The following PDS5A variants were observed in gnomAD, a reference collection of about 807,000 sequenced individuals.
The protein encoded by PDS5A is sister chromatid cohesion protein PDS5 homolog A.
A neutral mutation model predicts 167.1 loss-of-function variants in PDS5A; 42 were observed. That is an observed-to-expected ratio of 0.25 (90% CI 0.20 to 0.33). PDS5A has a LOEUF of 0.33. PDS5A is among the 10% of genes least tolerant of loss of function. The pLI is 1.00. For synonymous variants in PDS5A, 553 were observed against 554.6 expected, an observed-to-expected ratio of 1.00 and a Z score of 0.04; for missense variants, 1,033 against 1,605.9, an observed-to-expected ratio of 0.64 and a Z score of 6.10.
chr4:39,908,404 C>G lies in PDS5A; in HGVS notation c.1224G>C (p.Leu408=), dbSNP rs1723583161. The G allele has an allele frequency of 6.2e-7, 1 of 1,612,698 alleles. No individual in the cohort carries two copies. The highest frequency in any genetic ancestry group is 8.5e-7 in the Non-Finnish European group (1 of 1,179,134). ...ATGCCTCAGATTTTACCCGTTTATCCAGTGTTCTTTCCCTTACAAAGCCAA... is the reference window on the plus strand; with the variant it reads ...ATGCCTCAGATTTTACCCGTTTATCGAGTGTTCTTTCCCTTACAAAGCCAA... ...QLLGFVRERT[L]DKRWRVRKEA... Residue 408 remains leucine, a synonymous_variant, in exon 11 of 33, where the codon CTG becomes CTC. Coordinates refer to ENST00000303538, the MANE Select transcript of PDS5A (RefSeq NM_001100399.2).
chr4:39,899,851 TAAAAAAAAAAAAA>T (rs532738160), intron 14 of PDS5A, among the ~76,000 whole-genome samples: 82 of 102,390 alleles, frequency 8.0e-4, no homozygotes, highest in Admixed American at 7.4e-4. Context: ...TCCTGTGTAT[TAAAAAAAAAAAAA>T]AAAAAAAAAA....
intron 30 of PDS5A, among the ~76,000 whole-genome samples, chr4:39,844,416 A>G (rs1405967701): frequency 6.6e-6 from 1 of 150,850 alleles, no homozygotes; most frequent in Non-Finnish European, 1.5e-5. Flanking sequence ...CAGAGGTTGC[A>G]GTGAACCAAG....
intron 2 of PDS5A, among the ~76,000 whole-genome samples, chr4:39,967,238 G>A (rs1481740518): frequency 2.0e-5 from 3 of 152,170 alleles, no homozygotes; most frequent in African/African-American, 7.2e-5. Context: ...CTGGGAGACA[G>A]AGGTTGCAGT....
rs1723105138 is a variant in PDS5A at position 39,904,117 on chromosome 4, T to C, written c.1308A>G (p.Gly436=). 6.2e-7 allele frequency: 1 copy of C among 1,612,174 alleles called. No individual in the cohort carries two copies. The highest frequency in any genetic ancestry group is 1.3e-5 in the African/African-American group (1 of 75,018). ...YKKYCLHGEA[G]KEAAEKVSWI... ...AGCTGACTTTCTCTGCAGCTTCCTT[T>C]CCTGCTTCACCATGAAGACAGTATT... The change falls in exon 12 of 33, where the codon GGA becomes GGG. Residue 436 remains glycine (G), a synonymous_variant. Coordinates refer to ENST00000303538, the MANE Select transcript of PDS5A (RefSeq NM_001100399.2).
intron 4 of PDS5A, among the ~76,000 whole-genome samples, chr4:39,926,316 G>GT (rs535453871): frequency 1.6e-4 from 25 of 152,196 alleles, no homozygotes; most frequent in African/African-American, 5.5e-4. Flanking sequence ...GAGGTCAGGA[G>GT]TTTGAGACCA....
chr4:39,919,255 G>C (rs938789262), intron 7 of PDS5A, among the ~76,000 whole-genome samples: 1 of 152,160 alleles, frequency 6.6e-6, no homozygotes, highest in Admixed American at 6.5e-5. Flanking sequence ...CTAGATCTAT[G>C]ACAATAAGGA....
chr4:39,845,619 C>T (rs12504256), intron 29 of PDS5A, among the ~76,000 whole-genome samples, 199 bp downstream of exon 29: 33,677 of 152,004 alleles, frequency 0.22, 4,699 homozygotes, highest in Middle Eastern at 0.33. Context: ...CTGATGAGAA[C>T]ACACAGTGGC....
rs544511305 is a variant in PDS5A, at chr4:39,825,326, T to A, written c.*159A>T. 1.6e-5 allele frequency: 8 copies of A among 510,512 alleles called. No homozygotes were observed. The East Asian group carries it at 2.6e-4, about 16-fold the overall frequency. 31.6% of individuals were successfully genotyped at this position (510,512 alleles called of 1,614,324 possible). On this transcript the variant is annotated 3_prime_UTR_variant, in exon 33 of 33. Transcript: ENST00000303538. ...TTCCATCAGAGGACTTGTGGTCATG[T>A]GAAAAGGAAGTAATAGTCTCTTTAG... is the stretch of plus-strand genomic sequence containing the variant.
intron 2 of PDS5A, among the ~76,000 whole-genome samples, chr4:39,948,026 G>A (rs189985988): frequency 1.3e-5 from 2 of 152,182 alleles, no homozygotes; most frequent in Admixed American, 1.3e-4. Flanking sequence ...CAAGGAGGGA[G>A]GATGCCTTGA....
Position 39,922,752 on chromosome 4 carries a change from T to TAAAA in PDS5A, c.528-8_528-5dup, listed in dbSNP as rs368289837. 1.6e-4 allele frequency: 193 copies of TAAAA among 1,238,236 alleles called. No homozygotes were observed. The highest frequency in any genetic ancestry group is 9.6e-4 in the South Asian group (36 of 37,626). 76.7% of individuals were successfully genotyped at this position (1,238,236 alleles called of 1,614,324 possible). A position where few individuals can be genotyped will look rare whatever the true frequency, so the allele number is the denominator to read the frequency against. ...TACCTTCTTATTGTGGCTATTGCTA[T>TAAAA]AAAAAAAAAAAAAAAAGAATAAGTA... On this transcript the variant is annotated splice_polypyrimidine_tract_variant and splice_region_variant and intron_variant, in intron 5 of 32. Transcript: ENST00000303538.
chr4:39,957,053 G>C (rs1728991147), intron 2 of PDS5A, among the ~76,000 whole-genome samples: 1 of 152,022 alleles, frequency 6.6e-6, no homozygotes, highest in South Asian at 2.1e-4. Flanking sequence ...TGAATCTTAG[G>C]AAAAATTTTT....
At chr4:39,953,057 A>C (rs1035628695) in intron 2 of PDS5A, among the ~76,000 whole-genome samples, 2 of 152,096 alleles carry the variant, frequency 1.3e-5, no homozygotes, top group Non-Finnish European at 2.9e-5. Flanking sequence ...ATTGAATCAG[A>C]GTGCCCCCTC....
chr4:39,896,335 T>C (rs942090497), intron 16 of PDS5A, among the ~76,000 whole-genome samples: 1 of 149,382 alleles, frequency 6.7e-6, no homozygotes, highest in African/African-American at 2.5e-5. Flanking sequence ...TGTGAGCCAA[T>C]GTACTGATCT....
In PDS5A at chr4:39,890,379, G is replaced by C. The variant is rs1344204943; in HGVS notation, c.1771-15C>G. The C allele has an allele frequency of 1.0e-5, 14 of 1,360,054 alleles. No homozygotes were observed. Among genetic ancestry groups the C allele is most frequent in the Non-Finnish European group, 1.4e-5 (14 of 978,022 alleles). The allele number at this position is 1,360,054 out of a possible 1,614,324, so 84.2% of individuals were successfully genotyped here. On this transcript the variant is annotated splice_polypyrimidine_tract_variant and intron_variant, in intron 16 of 32. Coordinates refer to ENST00000303538, the MANE Select transcript of PDS5A (RefSeq NM_001100399.2). ...GCTATTTCTCTCTATAGAAAGAAAGGAGTTTTACCAAAAACGTGATTTGCT... is the reference window on the plus strand; with the variant it reads ...GCTATTTCTCTCTATAGAAAGAAAGCAGTTTTACCAAAAACGTGATTTGCT...
At chr4:39,945,314 A>T (rs1051646199) in intron 2 of PDS5A, among the ~76,000 whole-genome samples, 5 of 151,944 alleles carry the variant, frequency 3.3e-5, no homozygotes, top group Non-Finnish European at 5.9e-5. Flanking sequence ...ACAAAAAATT[A>T]GCCAGGCGTG....
chr4:39,901,650 TTCTC>T (rs1196626289), intron 13 of PDS5A, among the ~76,000 whole-genome samples: 1 of 152,104 alleles, frequency 6.6e-6, no homozygotes, highest in African/African-American at 2.4e-5. Flanking sequence ...TAACTCAAAA[TTCTC>T]TCTCTTTTTT....
intron 5 of PDS5A, among the ~76,000 whole-genome samples, chr4:39,925,340 G>C (rs1319691527): frequency 6.6e-6 from 1 of 152,148 alleles, no homozygotes; most frequent in Non-Finnish European, 1.5e-5. Context: ...TTTAGGCAAT[G>C]TTTAAGATTT....
Position 39,913,700 on chromosome 4 carries a change from A to G in PDS5A, c.903T>C (p.Ala301=). 6.2e-7 allele frequency: 1 copy of G among 1,605,578 alleles called. No individual in the cohort carries two copies. Among genetic ancestry groups the G allele is most frequent in the Non-Finnish European group, 8.5e-7 (1 of 1,172,316 alleles). ...LKSNDGEERL[A]VVRLLAKLFG... The stretch of plus-strand genomic sequence containing the variant: ...ACAATTTAGCTAGAAGTCGAACAAC[A>G]GCTAATCGCTCTTCTCCATCATTGC... The change falls in exon 9 of 33, where the codon GCT becomes GCC. Residue 301 remains alanine (A), a synonymous_variant. Coordinates refer to ENST00000303538, the MANE Select transcript of PDS5A (RefSeq NM_001100399.2).
At chr4:39,883,699 G>T (rs1317269682) in intron 17 of PDS5A, among the ~76,000 whole-genome samples, 2 of 151,966 alleles carry the variant, frequency 1.3e-5, no homozygotes, top group African/African-American at 4.8e-5. Flanking sequence ...GAAGTGCCGT[G>T]ATCTCAGCTC....
Sources: allele counts gnomAD v4.1 joint callset (sites outside exome capture counted in the v4.1 genomes callset), GRCh38; gene constraint gnomAD v4.1.1; transcripts MANE v1.5; gene names NCBI Gene and HGNC (gene_info 2026-07-23, HGNC 2026-07-21).